Variants in AXDND1 observed in about 807,000 individuals in gnomAD.
The protein encoded by AXDND1 is axonemal dynein light chain domain-containing protein 1.
A neutral mutation model predicts 137.5 loss-of-function variants in AXDND1; 110 were observed. The ratio of observed to expected loss-of-function variants is 0.80; its 90% CI spans 0.69 to 0.94. The LOEUF is 0.94. Among genes scored for constraint, AXDND1 ranks in the 40% least tolerant of loss-of-function variants. The pLI is 0.00. For missense variants in AXDND1, 1,191 were observed against 1,169.8 expected, an observed-to-expected ratio of 1.02 and a Z score of -0.26; for synonymous variants, 414 against 399.7, an observed-to-expected ratio of 1.04 and a Z score of -0.43.
At chr1:179,475,651 G>A (rs1355579160) in intron 17 of AXDND1, among the ~76,000 whole-genome samples, 1 of 152,180 alleles carries the variant, frequency 6.6e-6, no homozygotes, top group African/African-American at 2.4e-5. Flanking sequence ...CAGGCTCATA[G>A]ACAGAAGGGA....
At chr1:179,443,606 T>C (rs543769686) in intron 15 of AXDND1, among the ~76,000 whole-genome samples, 68 of 152,308 alleles carry the variant, frequency 4.5e-4, no homozygotes, top group African/African-American at 1.5e-3. Context: ...ACTTTCTGTT[T>C]ATGAATGTGA....
At chr1:179,400,686 G>C (rs1651848777) in intron 11 of AXDND1, among the ~76,000 whole-genome samples, 2 of 146,448 alleles carry the variant, frequency 1.4e-5, no homozygotes, top group Admixed American at 1.4e-4. Flanking sequence ...GGCAGATCAC[G>C]AGGTCAGGAG....
At chr1:179,478,070 C>A (rs991619986) in intron 17 of AXDND1, among the ~76,000 whole-genome samples, 2 of 152,206 alleles carry the variant, frequency 1.3e-5, no homozygotes, top group African/African-American at 4.8e-5. Flanking sequence ...TGGTCTTGGG[C>A]AGTTCTGCCT....
intron 9 of AXDND1, among the ~76,000 whole-genome samples, chr1:179,393,565 G>A (rs552435961): frequency 1.2e-3 from 186 of 152,100 alleles, no homozygotes; most frequent in South Asian, 0.011. Flanking sequence ...TTGGCAGTAT[G>A]GTCATTTTCA....
intron 25 of AXDND1, among the ~76,000 whole-genome samples, chr1:179,542,255 G>A (rs1672242020): frequency 6.6e-6 from 1 of 152,042 alleles, no homozygotes; most frequent in Non-Finnish European, 1.5e-5. Flanking sequence ...TCCAACCTGT[G>A]GTCTGTTCCC....
Position 179,468,540 on chromosome 1 carries a change from G to T in AXDND1, c.1896G>T (p.Trp632Cys), listed in dbSNP as rs1571968753. The change falls in exon 17 of 26, where the codon TGG becomes TGT. Residue 632 changes from tryptophan (W) to cysteine (C), a missense_variant. Physicochemically the swap from Trp to Cys is radical, Grantham distance 215. Transcript: ENST00000367618. Reference protein sequence around the residue: ...LEFPDTPLEEWQEIDEKINEM... With the variant: ...LEFPDTPLEECQEIDEKINEM... The stretch of plus-strand genomic sequence containing the variant: ...TTCCTGATACGCCTCTTGAAGAATG[G>T]CAGGAAATAGATGAAAAAATTAATG... 4 of 1,612,216 alleles carry T rather than the reference G, an allele frequency of 2.5e-6. No homozygotes were observed. Among genetic ancestry groups the T allele is most frequent in the Non-Finnish European group, 3.4e-6 (4 of 1,179,016 alleles).
intron 14 of AXDND1, 109 bp from the exon 15 acceptor site, chr1:179,432,158 A>G (rs1201564946): frequency 5.1e-6 from 7 of 1,373,566 alleles, no homozygotes; most frequent in Non-Finnish European, 6.7e-6. Context: ...GCATGCTTCA[A>G]AATTATTGAG....
intron 25 of AXDND1, among the ~76,000 whole-genome samples, chr1:179,542,463 C>T (rs1038870929): frequency 4.6e-5 from 7 of 152,174 alleles, no homozygotes; most frequent in South Asian, 2.1e-4. Context: ...TCTGAACTGG[C>T]GAAAATGTCA....
chr1:179,502,951 C>T (rs1418317690), intron 20 of AXDND1, among the ~76,000 whole-genome samples: 1 of 151,930 alleles, frequency 6.6e-6, no homozygotes, highest in African/African-American at 2.4e-5. Flanking sequence ...CAAAATTAGC[C>T]AGGCGTGGTG....
chr1:179,427,626 A>G (rs1406856555), intron 12 of AXDND1, among the ~76,000 whole-genome samples: 3 of 152,232 alleles, frequency 2.0e-5, no homozygotes, highest in Non-Finnish European at 4.4e-5. Context: ...ATTAACATTA[A>G]TAATTACCAT....
intron 9 of AXDND1, among the ~76,000 whole-genome samples, chr1:179,386,482 G>A (rs1469344798): frequency 1.3e-5 from 2 of 151,790 alleles, no homozygotes; most frequent in Non-Finnish European, 2.9e-5. Context: ...CATCAAATAT[G>A]GAACATTTTT....
chr1:179,366,397 C>A lies in AXDND1; in HGVS notation c.-106-7C>A. ...TTTTTTTTAAATCTTTTTTCCTCTG[C>A]CTGCAGGACTATGTGGCAGCCTGCA... On this transcript the variant is annotated splice_polypyrimidine_tract_variant and splice_region_variant and intron_variant, in intron 1 of 25. Coordinates refer to ENST00000367618, the MANE Select transcript of AXDND1 (RefSeq NM_144696.6). 1 of 692,974 alleles carries A rather than the reference C, an allele frequency of 1.4e-6. No individual in the cohort carries two copies. The highest frequency in any genetic ancestry group is 2.5e-6 in the Non-Finnish European group (1 of 406,892). The allele number at this position is 692,974 out of a possible 1,614,324, so 42.9% of individuals were successfully genotyped here.
At chr1:179,422,282 T>C (rs1444276965) in intron 12 of AXDND1, among the ~76,000 whole-genome samples, 1 of 143,046 alleles carries the variant, frequency 7.0e-6, no homozygotes, top group East Asian at 2.0e-4. Flanking sequence ...TATAAACTTA[T>C]CTGTTCATAC....
At chr1:179,454,939 CA>C (rs947381616) in intron 16 of AXDND1, 1 of 150,156 alleles carries the variant, frequency 6.7e-6, no homozygotes, top group Non-Finnish European at 1.5e-5. Flanking sequence ...ACCAAAAATA[CA>C]AAAAACTTAG....
intron 21 of AXDND1, among the ~76,000 whole-genome samples, chr1:179,524,719 C>T (rs1157467416): frequency 6.6e-6 from 1 of 152,158 alleles, no homozygotes; most frequent in African/African-American, 2.4e-5. Flanking sequence ...TCTTCATTCC[C>T]GCAGCCACTG....
chr1:179,451,739 C>T (rs1469029817), intron 16 of AXDND1: 2 of 152,746 alleles, frequency 1.3e-5, no homozygotes, highest in South Asian at 2.1e-4. Flanking sequence ...CACAAGCTCT[C>T]TCTTTGCCTG....
intron 16 of AXDND1, among the ~76,000 whole-genome samples, chr1:179,462,518 G>A (rs935012744): frequency 6.6e-6 from 1 of 151,882 alleles, no homozygotes; most frequent in African/African-American, 2.4e-5. Context: ...TTTTTTTGTT[G>A]TGTCTCTGCC....
chr1:179,536,131 C>T (rs887055013), intron 25 of AXDND1, among the ~76,000 whole-genome samples: 2 of 152,166 alleles, frequency 1.3e-5, no homozygotes, highest in Non-Finnish European at 2.9e-5. Context: ...AGCCCTTTGT[C>T]AGATGGATAG....
intron 9 of AXDND1, among the ~76,000 whole-genome samples, chr1:179,391,330 A>G (rs1650162616): frequency 6.6e-6 from 1 of 150,492 alleles, no homozygotes; most frequent in Non-Finnish European, 1.5e-5. Flanking sequence ...GATTTCTGAG[A>G]TTTTTGGTGT....
Sources: gnomAD v4.1 joint callset for allele counts (sites outside exome capture counted in the v4.1 genomes callset) on GRCh38, gnomAD v4.1.1 for gene constraint, MANE v1.5 for transcripts, NCBI Gene and HGNC (gene_info 2026-07-23, HGNC 2026-07-21) for gene names.